The following CHERP variants were observed in gnomAD, a reference collection of about 807,000 sequenced individuals.
CHERP encodes calcium homeostasis endoplasmic reticulum protein, also known as ERPROT 213-21.
Under a neutral mutation model 113.8 loss-of-function variants are expected in CHERP, and 8 were observed. The observed-to-expected ratio is 0.07, with a 90% CI of 0.04 to 0.13. CHERP has a LOEUF of 0.13. Among genes scored for constraint, CHERP ranks in the 10% least tolerant of loss-of-function variants. CHERP has a pLI of 1.00. For synonymous variants in CHERP, 559 were observed against 524.5 expected, an observed-to-expected ratio of 1.07 and a Z score of -0.90; for missense variants, 884 against 1,298.2, an observed-to-expected ratio of 0.68 and a Z score of 4.90.
In CHERP at chr19:16,520,345, T is replaced by C. The variant is rs1207390296; in HGVS notation, c.2345+19A>G. 6.2e-7 allele frequency: 1 copy of C among 1,611,690 alleles called. No individual in the cohort carries two copies. Among genetic ancestry groups the C allele is most frequent in the Non-Finnish European group, 8.5e-7 (1 of 1,178,498 alleles). Reference sequence around the variant, plus strand: ...CAGGAAGAGGCCTCAGGCACTGCCCTGAGGCAGCCTCTGCCTACCTAGATC... The same window carrying C: ...CAGGAAGAGGCCTCAGGCACTGCCCCGAGGCAGCCTCTGCCTACCTAGATC... On this transcript the variant is annotated intron_variant, in intron 14 of 16. Transcript: ENST00000546361. This position sits in a 1 kb window ranked among gnomAD's most constrained non-coding sequence, Gnocchi z 4.0.
Position 16,538,943 on chromosome 19 carries a change from T to G in CHERP, c.199+2927A>C, listed in dbSNP as rs140895932. ...ACCCCTTCACCCCACCTGCCCCCCA[T>G]GCTCCCTCCCTCAGGCTCAACCTAC... On this transcript the variant is annotated intron_variant, in intron 2 of 16. Coordinates refer to ENST00000546361, the MANE Select transcript of CHERP (RefSeq NM_006387.6). Among the ~76,000 whole-genome samples the G allele has an allele frequency of 7.2e-3, 1,090 of 151,272 alleles. 12 individuals carry two copies. The highest frequency in any genetic ancestry group is 0.025 in the African/African-American group (1,023 of 41,272).
chr19:16,539,714 G>C (rs1016611060), intron 2 of CHERP: 3 of 152,128 alleles, frequency 2.0e-5, no homozygotes, highest in Non-Finnish European at 4.4e-5. Flanking sequence ...ATGTCACCCA[G>C]GCTGGAGTGC....
intron 2 of CHERP, among the ~76,000 whole-genome samples, chr19:16,539,437 G>T (rs957599999): frequency 2.0e-5 from 3 of 152,090 alleles, no homozygotes; most frequent in African/African-American, 7.2e-5. Flanking sequence ...GTGAGCCACC[G>T]CGCCCGGCCT....
Position 16,520,473 on chromosome 19 carries a change from G to T in CHERP, c.2236C>A (p.Arg746=). Residue 746 remains arginine, a synonymous_variant, in exon 14 of 17, where the codon CGA becomes AGA. Transcript: ENST00000546361. This position sits in a 1 kb window ranked among gnomAD's most constrained non-coding sequence, Gnocchi z 4.0. ...TTGGAGCGGGAGGAAGAACGCCCTCGACTCTTGGATCTGCTCCGAGACCTC... is the reference window on the plus strand; with the variant it reads ...TTGGAGCGGGAGGAAGAACGCCCTCTACTCTTGGATCTGCTCCGAGACCTC... ...PSRSRSRSKS[R]GRSSSRSNSR... The T allele has an allele frequency of 6.2e-7, 1 of 1,614,032 alleles. No homozygotes were observed. Among genetic ancestry groups the T allele is most frequent in the Non-Finnish European group, 8.5e-7 (1 of 1,180,012 alleles).
chr19:16,521,005 G>T, intron 12 of CHERP, 93 bp from the exon 13 acceptor site: 2 of 1,072,888 alleles, frequency 1.9e-6, no homozygotes, highest in South Asian at 2.5e-5. Context: ...CAGAACCTTG[G>T]AGAGTACATG....
At position 16,532,511 on chromosome 19, in the gene CHERP, G is replaced by C. The variant is rs2085713310; in HGVS notation, c.674+87C>G. ...CTAGTCTCGGGACAGGCCAAGCCAA[G>C]CTACCGACCGGAGCAAGCGGCCACC... On this transcript the variant is annotated intron_variant, in intron 5 of 16. Transcript: ENST00000546361. The surrounding 1 kb of genome is among the most constrained non-coding windows in gnomAD (Gnocchi z 4.4). 7.0e-7 allele frequency: 1 copy of C among 1,435,064 alleles called. No homozygotes were observed. The highest frequency in any genetic ancestry group is 9.2e-7 in the Non-Finnish European group (1 of 1,085,032). 88.9% of individuals were successfully genotyped at this position (1,435,064 alleles called of 1,614,324 possible).
At chr19:16,522,480 C>T (rs560905185) in intron 11 of CHERP, among the ~76,000 whole-genome samples, 12 of 152,264 alleles carry the variant, frequency 7.9e-5, no homozygotes, top group South Asian at 4.1e-4. Flanking sequence ...AGGATGGTCT[C>T]GATCTCCTGA....
chr19:16,538,552 G>A (rs567465692), intron 2 of CHERP, among the ~76,000 whole-genome samples: 9 of 152,122 alleles, frequency 5.9e-5, no homozygotes, highest in Non-Finnish European at 1.2e-4. Flanking sequence ...GTGTGGTGGC[G>A]CACGCCTGTA....
Position 16,535,543 on chromosome 19 carries a change from G to A in CHERP, c.293C>T (p.Pro98Leu), listed in dbSNP as rs780439457. The A allele has an allele frequency of 2.4e-5, 38 of 1,592,100 alleles. No homozygotes were observed. Among genetic ancestry groups the A allele is most frequent in the Admixed American group, 7.1e-5 (4 of 56,704 alleles). The stretch of plus-strand genomic sequence containing the variant: ...GTCCATGGATGGCGCGCCCTGGGCC[G>A]GCGGGATGGGCGCGGCGGGGGCCAG... ...PPLAPAAPIP[P>L]AQGAPSMDEL... Residue 98 changes from proline (P) to leucine (L), a missense_variant, in exon 3 of 17, where the codon CCG becomes CTG. Physicochemically the swap from Pro to Leu is moderately conservative, Grantham distance 98. Transcript: ENST00000546361. This position sits in a 1 kb window ranked among gnomAD's most constrained non-coding sequence, Gnocchi z 4.3.
At chr19:16,538,766 A>G (rs1009150803) in intron 2 of CHERP, among the ~76,000 whole-genome samples, 8 of 151,648 alleles carry the variant, frequency 5.3e-5, no homozygotes, top group Non-Finnish European at 1.0e-4. Flanking sequence ...TAATGGCACC[A>G]GCTTCCAAGT....
chr19:16,532,858 C>T lies in CHERP; in HGVS notation c.523-109G>A, dbSNP rs775175202. On this transcript the variant is annotated intron_variant, in intron 4 of 16. Transcript: ENST00000546361. The surrounding 1 kb of genome is among the most constrained non-coding windows in gnomAD (Gnocchi z 4.4). ...AGCTCAGGGAAGGACACACCATGAG[C>T]GTGGGGGGCACAGGGTCCCACAGCC... 1.0e-5 allele frequency: 16 copies of T among 1,538,492 alleles called. No individual in the cohort carries two copies. Among genetic ancestry groups the T allele is most frequent in the South Asian group, 1.2e-5 (1 of 80,296 alleles).
In CHERP at chr19:16,529,566, C is replaced by T. The variant is rs1599750556; in HGVS notation, c.1129+82G>A. ...GAACAAGAACTGAGTCTGAGGGTGG[C>T]AGACTGCTTTCTGACTACACTCGGT... On this transcript the variant is annotated intron_variant, in intron 8 of 16. Transcript: ENST00000546361. 7 of 1,466,932 alleles carry T rather than the reference C, an allele frequency of 4.8e-6. No individual in the cohort carries two copies. The African/African-American group carries it at 5.6e-5, about 12-fold the overall frequency. 90.9% of individuals were successfully genotyped at this position (1,466,932 alleles called of 1,614,324 possible).
Position 16,528,239 on chromosome 19 carries a change from G to A in CHERP, c.1146C>T (p.Pro382=). ...ACTCTGAAGAGCCAGGCATCTGGAT[G>A]GGAGGCTTGCTGTCATCTAAATCCA... ...PTTQPDDSKP[P]IQMPGSSEYE... Residue 382 remains proline (P), a synonymous_variant, in exon 9 of 17, where the codon CCC becomes CCT. Transcript: ENST00000546361. 1 of 1,587,536 alleles carries A rather than the reference G, an allele frequency of 6.3e-7. No individual in the cohort carries two copies.
intron 2 of CHERP, 34 bp downstream of exon 2, chr19:16,541,836 C>T: frequency 1.3e-6 from 2 of 1,595,390 alleles, no homozygotes; most frequent in Non-Finnish European, 1.7e-6. Flanking sequence ...AGGAAGCGCT[C>T]GATGGGACGG....
chr19:16,530,045 A>G lies in CHERP; in HGVS notation c.877-145T>C. 2 of 1,068,078 alleles carry G rather than the reference A, an allele frequency of 1.9e-6. No individual in the cohort carries two copies. The highest frequency in any genetic ancestry group is 1.6e-5 in the African/African-American group (1 of 63,334). 66.2% of individuals were successfully genotyped at this position (1,068,078 alleles called of 1,614,324 possible). A position where few individuals can be genotyped will look rare whatever the true frequency, so the allele number is the denominator to read the frequency against. ...AACCGTCACGTGAAACAGCCAACAC[A>G]GTCTGGGCAATCAGTGTGCGCTGGG... On this transcript the variant is annotated intron_variant, in intron 7 of 16. Coordinates refer to ENST00000546361, the MANE Select transcript of CHERP (RefSeq NM_006387.6). The surrounding 1 kb of genome is among the most constrained non-coding windows in gnomAD (Gnocchi z 4.1).
chr19:16,520,767 C>T lies in CHERP; in HGVS notation c.2201+59G>A, dbSNP rs371651741. On this transcript the variant is annotated intron_variant, in intron 13 of 16. Transcript: ENST00000546361. This position sits in a 1 kb window ranked among gnomAD's most constrained non-coding sequence, Gnocchi z 4.0. ...GATGAGTGTATCTGGGGTCTGCTCCCACCCATCACAAGCTGTGGACCCTGG... is the reference window on the plus strand; with the variant it reads ...GATGAGTGTATCTGGGGTCTGCTCCTACCCATCACAAGCTGTGGACCCTGG... 3.0e-5 allele frequency: 46 copies of T among 1,511,932 alleles called. No individual in the cohort carries two copies. The African/African-American group carries it at 5.5e-4, about 18-fold the overall frequency. 93.7% of individuals were successfully genotyped at this position (1,511,932 alleles called of 1,614,324 possible). A position where few individuals can be genotyped will look rare whatever the true frequency, so the allele number is the denominator to read the frequency against.
chr19:16,530,009 G>T lies in CHERP; in HGVS notation c.877-109C>A. ...AGCAGAGCCTGGGGGACCTGGGGCA[G>T]GTGGACAGGGAACCGTCACGTGAAA... is the stretch of plus-strand genomic sequence containing the variant. On this transcript the variant is annotated intron_variant, in intron 7 of 16. Coordinates refer to ENST00000546361, the MANE Select transcript of CHERP (RefSeq NM_006387.6). This position sits in a 1 kb window ranked among gnomAD's most constrained non-coding sequence, Gnocchi z 4.1. The T allele has an allele frequency of 7.1e-7, 1 of 1,406,048 alleles. No homozygotes were observed. Among genetic ancestry groups the T allele is most frequent in the Non-Finnish European group, 9.6e-7 (1 of 1,045,788 alleles). The allele number at this position is 1,406,048 out of a possible 1,614,324, so 87.1% of individuals were successfully genotyped here.
In CHERP at chr19:16,525,814, G is replaced by A; in HGVS notation, c.1306-137C>T. 1 of 734,044 alleles carries A rather than the reference G, an allele frequency of 1.4e-6. No homozygotes were observed. Among genetic ancestry groups the A allele is most frequent in the Non-Finnish European group, 2.1e-6 (1 of 485,420 alleles). The allele number at this position is 734,044 out of a possible 1,614,324, so 45.5% of individuals were successfully genotyped here. On this transcript the variant is annotated intron_variant, in intron 9 of 16. Coordinates refer to ENST00000546361, the MANE Select transcript of CHERP (RefSeq NM_006387.6). This position sits in a 1 kb window ranked among gnomAD's most constrained non-coding sequence, Gnocchi z 6.5. ...CTGGCCACGTTGAGGCGCCTCCTAC[G>A]CTGACGCCTGCGAGGATGCTGGGCA... is the stretch of plus-strand genomic sequence containing the variant.
At chr19:16,538,710 C>T (rs538628161) in intron 2 of CHERP, among the ~76,000 whole-genome samples, 28 of 152,028 alleles carry the variant, frequency 1.8e-4, no homozygotes, top group Middle Eastern at 3.4e-3. Flanking sequence ...CACTTCTTGG[C>T]TTCAATCTTC....
Sources: allele counts gnomAD v4.1 joint callset (sites outside exome capture counted in the v4.1 genomes callset), GRCh38; gene constraint gnomAD v4.1.1; non-coding constraint Gnocchi (gnomAD v3.1); transcripts MANE v1.5; gene names NCBI Gene and HGNC (gene_info 2026-07-23, HGNC 2026-07-21).